The following RNF212 variants were observed in gnomAD, a reference collection of about 807,000 sequenced individuals.
The protein encoded by RNF212 is probable E3 SUMO-protein ligase RNF212.
RNF212 carries 33 observed loss-of-function variants against 34.7 expected under a neutral mutation model. The observed-to-expected ratio is 0.95, with a 90% CI of 0.72 to 1.27. The LOEUF (loss-of-function observed/expected upper bound fraction) is 1.27. RNF212 is among the 50% of genes most tolerant of loss of function. The pLI, the probability that RNF212 is intolerant of heterozygous loss-of-function variation, is 0.00. For synonymous variants in RNF212, 140 were observed against 136.1 expected (o/e 1.03, Z -0.20); for missense variants, 377 against 362.2 (o/e 1.04, Z -0.33).
intron 1 of RNF212, 91 bp from the exon 2 acceptor site, chr4:1,108,495 T>C: frequency 1.6e-6 from 1 of 612,526 alleles, no homozygotes; most frequent in East Asian, 3.4e-5. Flanking sequence ...CTCCAAGAAA[T>C]AGGCAGGATT....
At chr4:1,111,684 G>T (rs1019490574) in intron 1 of RNF212, among the ~76,000 whole-genome samples, 2 of 152,094 alleles carry the variant, frequency 1.3e-5, no homozygotes, top group African/African-American at 4.8e-5. Flanking sequence ...CTCGCTGCCC[G>T]AGACACTTTT....
intron 3 of RNF212, chr4:1,093,965 G>A: frequency 6.5e-7 from 1 of 1,536,212 alleles, no homozygotes; most frequent in Non-Finnish European, 8.7e-7. Flanking sequence ...CTTGGAGGAT[G>A]TGGCTGGGCA....
intron 1 of RNF212, among the ~76,000 whole-genome samples, chr4:1,109,050 C>A (rs1241397637): frequency 6.7e-6 from 1 of 148,342 alleles, no homozygotes; most frequent in African/African-American, 2.5e-5. Flanking sequence ...CTCTGTCACC[C>A]AGGCGGGAGT....
chr4:1,093,788 A>T (rs1553809590), intron 3 of RNF212: 1 of 1,536,248 alleles, frequency 6.5e-7, no homozygotes, highest in East Asian at 2.4e-5. Flanking sequence ...GCTGGGATGG[A>T]GCAGGGTGAG....
chr4:1,079,587 T>C (rs912543597), intron 8 of RNF212, 56 bp downstream of exon 8: 1 of 1,208,602 alleles, frequency 8.3e-7, no homozygotes, highest in Non-Finnish European at 1.2e-6. Context: ...CTGAGGAAAA[T>C]GGGAAATGCC....
intron 4 of RNF212, among the ~76,000 whole-genome samples, chr4:1,089,020 G>A (rs1721772167): frequency 6.6e-6 from 1 of 152,370 alleles, no homozygotes. Context: ...AGGGAAATGT[G>A]CGGTGGTTGT....
chr4:1,090,727 C>T (rs1048623683), intron 4 of RNF212, 55 bp downstream of exon 4: 16 of 941,922 alleles, frequency 1.7e-5, no homozygotes, highest in Admixed American at 1.6e-4. Context: ...ACAAGTCTGA[C>T]ATTTAAATCT....
intron 4 of RNF212, chr4:1,056,953 T>C (rs961136933): frequency 2.0e-6 from 2 of 987,818 alleles, no homozygotes; most frequent in Non-Finnish European, 2.4e-6. Flanking sequence ...CTGGTAACTG[T>C]GGTGTTGGCG....
intron 5 of RNF212, chr4:1,081,842 A>AT: frequency 1.9e-6 from 1 of 539,994 alleles, no homozygotes; most frequent in Non-Finnish European, 3.3e-6. Flanking sequence ...CCCCACTGCC[A>AT]TTTACATCAC....
intron 8 of RNF212, among the ~76,000 whole-genome samples, chr4:1,076,020 T>G (rs1719237531): frequency 6.6e-6 from 1 of 152,192 alleles, no homozygotes; most frequent in Admixed American, 6.5e-5. Flanking sequence ...TGAGTCATGA[T>G]TTTACCTTTT....
chr4:1,073,992 TTC>T (rs1419547005), intron 8 of RNF212, among the ~76,000 whole-genome samples: 1 of 152,170 alleles, frequency 6.6e-6, no homozygotes, highest in Non-Finnish European at 1.5e-5. Flanking sequence ...GAATGTGAAA[TTC>T]TGAGTAAATC....
At chr4:1,093,557 C>G in intron 3 of RNF212, 6 of 727,564 alleles carry the variant, frequency 8.2e-6, no homozygotes, top group Non-Finnish European at 1.1e-5. Context: ...CGGCCCATGC[C>G]GGAAGCCTGA....
chr4:1,063,539 C>T (rs919792281), intron 3 of RNF212, among the ~76,000 whole-genome samples: 1 of 151,828 alleles, frequency 6.6e-6, no homozygotes, highest in African/African-American at 2.4e-5. Flanking sequence ...GGTGAAACCC[C>T]ATCTCTACAA....
chr4:1,093,401 T>C (rs1377271295), intron 3 of RNF212: 1 of 1,401,624 alleles, frequency 7.1e-7, no homozygotes, highest in Non-Finnish European at 9.3e-7. Context: ...TTATGTTACG[T>C]TGATATTAGA....
Position 1,100,201 on chromosome 4 carries a change from C to G in RNF212, c.172-3362G>C, listed in dbSNP as rs201591785. ...AATCGTACCAGGCTTACTGCTTTCC[C>G]GTGATACTTCTAGCGTTAGGTCTTG... On this transcript the variant is annotated intron_variant, in intron 2 of 9. Transcript: ENST00000433731. The G allele has an allele frequency of 1.9e-4, 57 of 303,192 alleles. 1 individual carries two copies. In the East Asian group the frequency reaches 5.0e-3, roughly 27 times the overall value. 18.8% of individuals were successfully genotyped at this position (303,192 alleles called of 1,614,324 possible). A position where few individuals can be genotyped will look rare whatever the true frequency, so the allele number is the denominator to read the frequency against.
chr4:1,079,491 C>T (rs1719970709), intron 8 of RNF212, 152 bp downstream of exon 8: 2 of 681,482 alleles, frequency 2.9e-6, no homozygotes, highest in African/African-American at 3.5e-5. Flanking sequence ...CACAGCCCAC[C>T]CCTCTCACCC....
intron 7 of RNF212, among the ~76,000 whole-genome samples, chr4:1,080,622 C>T (rs1720176753): frequency 6.6e-6 from 1 of 152,160 alleles, no homozygotes; most frequent in East Asian, 1.9e-4. Context: ...AATTAAAACT[C>T]CTCACGGGAA....
downstream of RNF212, among the ~76,000 whole-genome samples, chr4:1,066,535 T>G (rs908924253): frequency 6.6e-6 from 1 of 152,198 alleles, no homozygotes; most frequent in African/African-American, 2.4e-5. Flanking sequence ...TTCACCATGT[T>G]GCCCAGGCTG....
intron 3 of RNF212, among the ~76,000 whole-genome samples, chr4:1,063,730 C>T (rs1717901451): frequency 6.6e-6 from 1 of 151,284 alleles, no homozygotes; most frequent in Non-Finnish European, 1.5e-5. Flanking sequence ...AAAAATTAGC[C>T]AGGTGTGGTG....
Sources: gnomAD v4.1 joint callset for allele counts (sites outside exome capture counted in the v4.1 genomes callset) on GRCh38, gnomAD v4.1.1 for gene constraint, MANE v1.5 for transcripts, NCBI Gene and HGNC (gene_info 2026-07-23, HGNC 2026-07-21) for gene names.